Variants in FHIT observed in about 807,000 individuals in gnomAD.
FHIT encodes the protein fragile histidine triad diadenosine triphosphatase.
A neutral mutation model predicts 17.9 loss-of-function variants in FHIT; 19 were observed. That is an observed-to-expected ratio of 1.06 (90% CI 0.74 to 1.56). The LOEUF (loss-of-function observed/expected upper bound fraction) is 1.56, where lower values mean the gene tolerates loss of function less well. FHIT is among the 40% of genes most tolerant of loss of function. FHIT has a pLI of 0.00. For missense variants in FHIT, 248 were observed against 189.2 expected, an observed-to-expected ratio of 1.31 and a Z score of -1.82; for synonymous variants, 81 against 69.7, an observed-to-expected ratio of 1.16 and a Z score of -0.81.
intron 4 of FHIT, among the ~76,000 whole-genome samples, chr3:60,666,046 C>T (rs1403941944): frequency 1.3e-5 from 2 of 152,108 alleles, no homozygotes. Flanking sequence ...CCATTTAAAT[C>T]TCTTGTCCTT....
intron 4 of FHIT, among the ~76,000 whole-genome samples, chr3:60,584,221 AT>A (rs782216001): frequency 5.3e-5 from 8 of 151,992 alleles, no homozygotes; most frequent in Non-Finnish European, 1.0e-4. Context: ...ATAACCTGAA[AT>A]TGGCCATGGT....
At chr3:60,671,913 G>T (rs2040515189) in intron 4 of FHIT, among the ~76,000 whole-genome samples, 1 of 151,888 alleles carries the variant, frequency 6.6e-6, no homozygotes, top group South Asian at 2.1e-4. Context: ...CCATGCCATT[G>T]CACTCCATCC....
chr3:60,456,282 A>G (rs1000933008), intron 5 of FHIT, among the ~76,000 whole-genome samples: 2 of 152,218 alleles, frequency 1.3e-5, no homozygotes, highest in African/African-American at 2.4e-5. Flanking sequence ...GATATCTGAA[A>G]TGATGGTTAC....
chr3:59,768,446 T>C (rs1701910570), intron 8 of FHIT, among the ~76,000 whole-genome samples: 1 of 152,214 alleles, frequency 6.6e-6, no homozygotes, highest in East Asian at 1.9e-4. Context: ...TCTCCCTGCA[T>C]GGATGGCATT....
At chr3:59,777,533 C>T (rs1208563644) in intron 8 of FHIT, among the ~76,000 whole-genome samples, 2 of 152,128 alleles carry the variant, frequency 1.3e-5, no homozygotes, top group African/African-American at 2.4e-5. Flanking sequence ...TACCTGCTTC[C>T]AAGGCACATC....
Position 59,820,951 on chromosome 3 carries a change from T to G in FHIT, c.349-68630A>C, listed in dbSNP as rs1559634870. ...CTTGGGTGATTGTCATTAACCAAGATGAGTGTCATGAAAGGAAAGAAGATG... is the reference window on the plus strand; with the variant it reads ...CTTGGGTGATTGTCATTAACCAAGAGGAGTGTCATGAAAGGAAAGAAGATG... On this transcript the variant is annotated intron_variant, in intron 8 of 9. Transcript: ENST00000492590. Among the ~76,000 whole-genome samples, 4 of 152,174 alleles carry G rather than the reference T, an allele frequency of 2.6e-5. No homozygotes were observed. In the South Asian group the frequency reaches 8.3e-4, roughly 32 times the overall value.
intron 5 of FHIT, among the ~76,000 whole-genome samples, chr3:60,467,365 T>C (rs2107436276): frequency 6.6e-6 from 1 of 152,142 alleles, no homozygotes; most frequent in South Asian, 2.1e-4. Context: ...ATCTTTATTT[T>C]TCCTTCTACT....
chr3:59,921,069 A>T (rs114549654), intron 8 of FHIT, among the ~76,000 whole-genome samples: 52 of 152,322 alleles, frequency 3.4e-4, no homozygotes, highest in African/African-American at 1.2e-3. Flanking sequence ...GGGACTGGTG[A>T]CTAGACTATT....
At chr3:60,534,817 C>A (rs892078051) in intron 5 of FHIT, among the ~76,000 whole-genome samples, 4 of 152,130 alleles carry the variant, frequency 2.6e-5, no homozygotes, top group African/African-American at 9.7e-5. Flanking sequence ...TACAAAGAAA[C>A]GAGTTGTCAT....
chr3:60,028,423 G>C (rs144547863), intron 5 of FHIT, among the ~76,000 whole-genome samples: 1 of 152,320 alleles, frequency 6.6e-6, no homozygotes, highest in Non-Finnish European at 1.5e-5. Context: ...AGATGTGCAT[G>C]ATGATCAGAG....
chr3:60,443,155 A>G (rs2031043749), intron 5 of FHIT, among the ~76,000 whole-genome samples: 1 of 152,210 alleles, frequency 6.6e-6, no homozygotes, highest in Admixed American at 6.5e-5. Flanking sequence ...GTTGCCTATC[A>G]GCTTAAGGAG....
At chr3:59,776,360 C>G (rs1225448561) in intron 8 of FHIT, among the ~76,000 whole-genome samples, 1 of 152,238 alleles carries the variant, frequency 6.6e-6, no homozygotes, top group African/African-American at 2.4e-5. Flanking sequence ...CCATCACACT[C>G]TGATTAGGGA....
intron 3 of FHIT, among the ~76,000 whole-genome samples, chr3:60,875,600 G>A (rs1451531439): frequency 6.6e-6 from 1 of 152,138 alleles, no homozygotes; most frequent in African/African-American, 2.4e-5. Context: ...GACATCCATA[G>A]TTATTCGAGT....
At chr3:59,814,501 A>C (rs1193221809) in intron 8 of FHIT, among the ~76,000 whole-genome samples, 3 of 152,258 alleles carry the variant, frequency 2.0e-5, no homozygotes, top group African/African-American at 7.2e-5. Flanking sequence ...ATATTTAAGA[A>C]GTTCATGCTT....
In FHIT at chr3:60,991,242, G is replaced by A. The variant is rs367669761; in HGVS notation, c.-111+50805C>T. Among the ~76,000 whole-genome samples, 17 of 152,278 alleles carry A rather than the reference G, an allele frequency of 1.1e-4. No individual in the cohort carries two copies. In the South Asian group the frequency reaches 2.1e-3, roughly 19 times the overall value. ...ATGGCAAATGCAAAGGCCCAGTGCCGGGGACAAGCCGGGCTTGTTCAAGAA... is the reference window on the plus strand; with the variant it reads ...ATGGCAAATGCAAAGGCCCAGTGCCAGGGACAAGCCGGGCTTGTTCAAGAA... On this transcript the variant is annotated intron_variant, in intron 3 of 9. Transcript: ENST00000492590.
chr3:59,996,248 G>C (rs1447992176), intron 7 of FHIT, among the ~76,000 whole-genome samples: 1 of 152,078 alleles, frequency 6.6e-6, no homozygotes, highest in South Asian at 2.1e-4. Flanking sequence ...ACAGTGGACA[G>C]CATCAGATTT....
At chr3:60,377,605 C>T (rs1441815675) in intron 5 of FHIT, among the ~76,000 whole-genome samples, 1 of 149,362 alleles carries the variant, frequency 6.7e-6, no homozygotes, top group African/African-American at 2.5e-5. Flanking sequence ...CCTCAGCCTC[C>T]CGAGTAGCTG....
In FHIT at chr3:59,935,804, A is replaced by G. The variant is rs34272009; in HGVS notation, c.280-13390T>C. ...ATGGATGGTTAAAAAATAGACAACT[A>G]CACTGCTCTTAATTTCTTAGCTTGC... On this transcript the variant is annotated intron_variant, in intron 7 of 9. Coordinates refer to ENST00000492590, the MANE Select transcript of FHIT (RefSeq NM_002012.4). Among the ~76,000 whole-genome samples the G allele has an allele frequency of 2.0e-5, 3 of 151,938 alleles. No homozygotes were observed. The South Asian group carries it at 6.2e-4, about 31-fold the overall frequency.
At chr3:60,581,604 C>T (rs569468326) in intron 4 of FHIT, among the ~76,000 whole-genome samples, 1 of 152,110 alleles carries the variant, frequency 6.6e-6, no homozygotes, top group Admixed American at 6.6e-5. Flanking sequence ...ATGAACTAAA[C>T]ACAAAGAACA....
Sources: allele counts gnomAD v4.1 joint callset (sites outside exome capture counted in the v4.1 genomes callset), GRCh38; gene constraint gnomAD v4.1.1; transcripts MANE v1.5; gene names NCBI Gene and HGNC (gene_info 2026-07-23, HGNC 2026-07-21).